WDPCP: variants seen among roughly 807,000 people sequenced by gnomAD.
WDPCP encodes WD repeat-containing and planar cell polarity effector protein fritz homolog.
WDPCP carries 71 observed loss-of-function variants against 93.1 expected under a neutral mutation model. The ratio of observed to expected loss-of-function variants is 0.76; its 90% CI spans 0.63 to 0.93. The LOEUF is 0.93. Ranked by LOEUF, WDPCP falls within the 40% of genes least tolerant of loss-of-function variation. WDPCP has a pLI of 0.00. For missense variants in WDPCP, 844 were observed against 887.4 expected (o/e 0.95, Z 0.62); for synonymous variants, 315 against 315.0 (o/e 1.00, Z 0.00).
chr2:63,182,408 AGTTT>A (rs1265156596), intron 14 of WDPCP, among the ~76,000 whole-genome samples: 1 of 151,854 alleles, frequency 6.6e-6, no homozygotes, highest in Non-Finnish European at 1.5e-5. Context: ...ATATTTATAT[AGTTT>A]GTTTTTAATT....
chr2:63,597,170 CATTT>C (rs1709329931), intron 3 of WDPCP: 1 of 543,112 alleles, frequency 1.8e-6, no homozygotes, highest in Non-Finnish European at 2.3e-6. Context: ...GGAGTTTTGA[CATTT>C]AAGTAATTAT....
At chr2:63,130,760 G>C (rs965657083) in intron 17 of WDPCP, among the ~76,000 whole-genome samples, 1 of 151,980 alleles carries the variant, frequency 6.6e-6, no homozygotes, top group Non-Finnish European at 1.5e-5. Flanking sequence ...TTGATCTTCT[G>C]TCTGGTTGTC....
intron 1 of WDPCP, among the ~76,000 whole-genome samples, chr2:63,554,805 G>T (rs1705953991): frequency 6.6e-6 from 1 of 152,178 alleles, no homozygotes; most frequent in Non-Finnish European, 1.5e-5. Context: ...CTCTCACTGG[G>T]ACTGACTAGG....
At chr2:63,678,489 A>T (rs1216610491) in intron 2 of WDPCP, among the ~76,000 whole-genome samples, 1 of 152,212 alleles carries the variant, frequency 6.6e-6, no homozygotes, top group Non-Finnish European at 1.5e-5. Context: ...GGGGCAGGGA[A>T]TTAATTTGAA....
chr2:63,202,978 C>T (rs376438689), intron 14 of WDPCP, among the ~76,000 whole-genome samples: 3 of 152,028 alleles, frequency 2.0e-5, no homozygotes, highest in Admixed American at 6.6e-5. Flanking sequence ...ATCTTTATAT[C>T]GGGCCTCAAA....
At chr2:63,611,007 A>G (rs1265328044) in intron 3 of WDPCP, among the ~76,000 whole-genome samples, 1 of 152,170 alleles carries the variant, frequency 6.6e-6, no homozygotes, top group East Asian at 1.9e-4. Flanking sequence ...CTGAGGTGGG[A>G]GGATTACTTG....
At position 63,672,561 on chromosome 2, in the gene WDPCP, A is replaced by T. The variant is rs192226730; in HGVS notation, n.309-21723T>A. On this transcript the variant is annotated intron_variant and non_coding_transcript_variant, in intron 2 of 4. Transcript: ENST00000467687. ...GAGAGACCAAGATTTTCTACTTTTT[A>T]AAATTGTGGTAAAATATGCATAACC... Among the ~76,000 whole-genome samples the T allele has an allele frequency of 2.4e-3, 367 of 152,144 alleles. 1 individual carries two copies. The highest frequency in any genetic ancestry group is 8.2e-3 in the African/African-American group (342 of 41,538).
chr2:63,358,247 GAAAAAA>G (rs930031803), intron 12 of WDPCP, among the ~76,000 whole-genome samples: 45 of 147,942 alleles, frequency 3.0e-4, no homozygotes, highest in Non-Finnish European at 6.3e-4. Flanking sequence ...TTTTAAAAAA[GAAAAAA>G]AAATCATGGT....
intron 3 of WDPCP, among the ~76,000 whole-genome samples, chr2:63,647,533 A>G (rs1306010596): frequency 6.6e-6 from 1 of 152,214 alleles, no homozygotes; most frequent in East Asian, 1.9e-4. Flanking sequence ...CAAAGGTTAT[A>G]TACTGTATGA....
chr2:63,413,279 C>T (rs1012628670), intron 9 of WDPCP, among the ~76,000 whole-genome samples: 3 of 152,164 alleles, frequency 2.0e-5, no homozygotes, highest in East Asian at 3.8e-4. Flanking sequence ...GAAAAGGACA[C>T]CCTATTCAAC....
At chr2:63,656,430 G>A (rs967518924) in intron 2 of WDPCP, among the ~76,000 whole-genome samples, 1 of 152,210 alleles carries the variant, frequency 6.6e-6, no homozygotes, top group African/African-American at 2.4e-5. Context: ...ATTGGGAAGT[G>A]CCAAGGCCAA....
chr2:63,317,100 C>T (rs1389357851), intron 12 of WDPCP, among the ~76,000 whole-genome samples: 1 of 151,970 alleles, frequency 6.6e-6, no homozygotes, highest in South Asian at 2.1e-4. Context: ...GAATCAATAC[C>T]GTTAAAATGG....
At chr2:63,223,208 A>G (rs985380808) in intron 14 of WDPCP, among the ~76,000 whole-genome samples, 1 of 152,184 alleles carries the variant, frequency 6.6e-6, no homozygotes, top group African/African-American at 2.4e-5. Flanking sequence ...TATGAATTCT[A>G]TTCATACTTG....
At chr2:63,358,106 G>A (rs1367121884) in intron 12 of WDPCP, among the ~76,000 whole-genome samples, 2 of 152,134 alleles carry the variant, frequency 1.3e-5, no homozygotes, top group South Asian at 2.1e-4. Context: ...GGAGGAAGGA[G>A]AGGAGTAGAA....
chr2:63,644,951 A>C (rs1360742638), intron 3 of WDPCP, among the ~76,000 whole-genome samples: 1 of 152,066 alleles, frequency 6.6e-6, no homozygotes, highest in East Asian at 1.9e-4. Flanking sequence ...TCAAGAAACC[A>C]ACTTTTCCTT....
chr2:63,315,846 C>T (rs982551616), intron 12 of WDPCP, among the ~76,000 whole-genome samples: 3 of 151,902 alleles, frequency 2.0e-5, no homozygotes, highest in African/African-American at 7.3e-5. Context: ...TAACATCAAC[C>T]TCATAAGTAC....
chr2:63,243,495 T>A (rs957640937), intron 14 of WDPCP, among the ~76,000 whole-genome samples: 3 of 152,162 alleles, frequency 2.0e-5, no homozygotes, highest in African/African-American at 7.2e-5. Flanking sequence ...CATTGATAGT[T>A]TCTATTGCTG....
At chr2:63,676,852 T>TA (rs748700804) in intron 2 of WDPCP, among the ~76,000 whole-genome samples, 23 of 152,096 alleles carry the variant, frequency 1.5e-4, no homozygotes, top group Non-Finnish European at 2.6e-4. Context: ...AAAATCTGAA[T>TA]AGGCTCTATG....
At chr2:63,691,873 A>AGTGTGTGTGTGTGTGT (rs71393325) in intron 2 of WDPCP, among the ~76,000 whole-genome samples, 1 of 145,090 alleles carries the variant, frequency 6.9e-6, no homozygotes, top group Non-Finnish European at 1.5e-5. Context: ...TATACTACAA[A>AGTGTGTGTGTGTGTGT]GTGTGTGTGT....
Sources: allele counts gnomAD v4.1 joint callset (sites outside exome capture counted in the v4.1 genomes callset), GRCh38; gene constraint gnomAD v4.1.1; transcripts MANE v1.5; gene names NCBI Gene and HGNC (gene_info 2026-07-23, HGNC 2026-07-21).